Variants in SLC13A3 observed in about 807,000 individuals in gnomAD.
SLC13A3 encodes Na(+)/dicarboxylate cotransporter 3.
SLC13A3 carries 40 observed loss-of-function variants against 59.0 expected under a neutral mutation model. That is an observed-to-expected ratio of 0.68 (90% CI 0.53 to 0.88). The LOEUF is 0.88. Ranked by LOEUF, SLC13A3 falls within the 40% of genes least tolerant of loss-of-function variation. The pLI is 0.00. For synonymous variants in SLC13A3, 317 were observed against 330.3 expected (o/e 0.96, Z 0.44); for missense variants, 699 against 783.2 (o/e 0.89, Z 1.28).
chr20:46,598,610 A>G (rs576298962), intron 4 of SLC13A3, among the ~76,000 whole-genome samples: 1 of 152,316 alleles, frequency 6.6e-6, no homozygotes, highest in African/African-American at 2.4e-5. Flanking sequence ...CACAGAACTC[A>G]TGTCTCAAAG....
intron 12 of SLC13A3, among the ~76,000 whole-genome samples, chr20:46,561,255 A>G (rs1015691726): frequency 2.6e-5 from 4 of 152,142 alleles, no homozygotes; most frequent in African/African-American, 9.7e-5. Context: ...ACATATGTTG[A>G]TTGATGTCTC....
chr20:46,598,314 G>A (rs1037631897), intron 4 of SLC13A3, among the ~76,000 whole-genome samples: 1 of 152,174 alleles, frequency 6.6e-6, no homozygotes, highest in Admixed American at 6.5e-5. Context: ...CTTAGGAGTG[G>A]CAGGCCTGGT....
chr20:46,610,918 A>C (rs1052992986), intron 2 of SLC13A3, among the ~76,000 whole-genome samples: 1 of 151,252 alleles, frequency 6.6e-6, no homozygotes, highest in Non-Finnish European at 1.5e-5. Flanking sequence ...GCACCAAGAC[A>C]CTCCACTATC....
At chr20:46,647,234 AT>A (rs1370038596) in intron 1 of SLC13A3, among the ~76,000 whole-genome samples, 2 of 152,178 alleles carry the variant, frequency 1.3e-5, no homozygotes, top group Non-Finnish European at 2.9e-5. Context: ...TGCCGAGAGC[AT>A]CCCCAAACTC....
chr20:46,578,310 A>G (rs1282112180), intron 9 of SLC13A3, among the ~76,000 whole-genome samples: 2 of 152,120 alleles, frequency 1.3e-5, no homozygotes, highest in African/African-American at 4.8e-5. Context: ...CAGGATACAG[A>G]AATGGTCAAA....
intron 3 of SLC13A3, among the ~76,000 whole-genome samples, chr20:46,600,324 AAAGGAAGG>A (rs143437944): frequency 1.2e-5 from 1 of 83,804 alleles, no homozygotes; most frequent in Non-Finnish European, 2.3e-5. Context: ...GGAAGGAAGG[AAAGGAAGG>A]AAGGAAGGAA....
At chr20:46,649,203 CCAT>C (rs1221329981) in intron 1 of SLC13A3, among the ~76,000 whole-genome samples, 1 of 152,074 alleles carries the variant, frequency 6.6e-6, no homozygotes, top group African/African-American at 2.4e-5. Context: ...AGGCTTAGCA[CCAT>C]CATAAGGGAT....
chr20:46,589,943 G>A (rs566327797), intron 6 of SLC13A3, among the ~76,000 whole-genome samples: 1 of 152,282 alleles, frequency 6.6e-6, no homozygotes, highest in East Asian at 1.9e-4. Context: ...GGAATAATAT[G>A]GTTAGAGTTA....
chr20:46,665,238 C>T (rs2063055879), intron 1 of SLC13A3, among the ~76,000 whole-genome samples: 1 of 151,426 alleles, frequency 6.6e-6, no homozygotes, highest in Non-Finnish European at 1.5e-5. Flanking sequence ...TGCACTCCAG[C>T]CTGGGCAATA....
chr20:46,636,292 A>C (rs576869199), intron 1 of SLC13A3, among the ~76,000 whole-genome samples: 1 of 152,324 alleles, frequency 6.6e-6, no homozygotes, highest in African/African-American at 2.4e-5. Context: ...CCTCGCTAGA[A>C]TGTCAGCTGC....
chr20:46,578,397 CG>C (rs1237408184), intron 9 of SLC13A3, among the ~76,000 whole-genome samples: 2 of 151,738 alleles, frequency 1.3e-5, no homozygotes, highest in East Asian at 3.9e-4. Context: ...ATATACTGGC[CG>C]GGCATGGTGG....
At chr20:46,570,049 G>C (rs1419200867) in intron 10 of SLC13A3, among the ~76,000 whole-genome samples, 1 of 152,172 alleles carries the variant, frequency 6.6e-6, no homozygotes, top group Non-Finnish European at 1.5e-5. Flanking sequence ...CAGCGAATTT[G>C]ATTAAAGGAA....
intron 1 of SLC13A3, among the ~76,000 whole-genome samples, chr20:46,616,039 T>C (rs993241665): frequency 6.6e-6 from 1 of 152,096 alleles, no homozygotes; most frequent in African/African-American, 2.4e-5. Flanking sequence ...AGAACCCAGG[T>C]TATTGGACAC....
chr20:46,563,980 G>T (rs1262053012), intron 11 of SLC13A3, among the ~76,000 whole-genome samples: 1 of 152,214 alleles, frequency 6.6e-6, no homozygotes, highest in East Asian at 1.9e-4. Context: ...CCACATGGCT[G>T]GCCCCACCTC....
chr20:46,566,105 G>T (rs752423390), intron 11 of SLC13A3, 124 bp downstream of exon 11: 2 of 750,416 alleles, frequency 2.7e-6, no homozygotes, highest in Non-Finnish European at 4.7e-6. Flanking sequence ...GTTCTGATAC[G>T]TTCATGTATT....
chr20:46,562,944 G>C (rs991747538), intron 12 of SLC13A3, among the ~76,000 whole-genome samples: 1 of 152,196 alleles, frequency 6.6e-6, no homozygotes. Flanking sequence ...AGTCAGGAGC[G>C]GGAAGGGAGG....
chr20:46,572,217 G>T (rs1003681157), intron 10 of SLC13A3, among the ~76,000 whole-genome samples: 1 of 152,150 alleles, frequency 6.6e-6, no homozygotes, highest in African/African-American at 2.4e-5. Flanking sequence ...CGATCCTCAG[G>T]AGGCTGCCAG....
At chr20:46,665,302 T>C (rs993336782) in intron 1 of SLC13A3, among the ~76,000 whole-genome samples, 11 of 151,998 alleles carry the variant, frequency 7.2e-5, no homozygotes, top group African/African-American at 2.7e-4. Context: ...TAATGATTTT[T>C]CAGGACACTC....
chr20:46,598,760 A>G (rs574014853), intron 4 of SLC13A3, among the ~76,000 whole-genome samples: 91 of 152,202 alleles, frequency 6.0e-4, no homozygotes, highest in Admixed American at 1.0e-3. Context: ...TCTATGGCTC[A>G]TGATGTCCCA....
Sources: allele counts gnomAD v4.1 joint callset (sites outside exome capture counted in the v4.1 genomes callset), GRCh38; gene constraint gnomAD v4.1.1; transcripts MANE v1.5; gene names NCBI Gene and HGNC (gene_info 2026-07-23, HGNC 2026-07-21).